GNA12: variants seen among roughly 807,000 people sequenced by gnomAD.
The protein encoded by GNA12 is guanine nucleotide-binding protein subunit alpha-12.
In GNA12, 9 loss-of-function variants were observed where a neutral mutation model predicts 26.0. The observed-to-expected ratio is 0.35, with a 90% CI of 0.21 to 0.60. The LOEUF (loss-of-function observed/expected upper bound fraction) is 0.60, where lower values mean the gene tolerates loss of function less well. GNA12 is among the 20% of genes least tolerant of loss of function. GNA12 has a pLI of 0.78. For missense variants in GNA12, 405 were observed against 525.8 expected (o/e 0.77, Z 2.25); for synonymous variants, 264 against 219.6 (o/e 1.20, Z -1.79).
intron 2 of GNA12, among the ~76,000 whole-genome samples, chr7:2,745,469 T>A (rs975708316): frequency 4.4e-4 from 67 of 152,304 alleles, no homozygotes; most frequent in African/African-American, 1.5e-3. Flanking sequence ...AAGCAAATGC[T>A]GAGAGATTTT....
At position 2,829,211 on chromosome 7, in the gene GNA12, C is replaced by T. The variant is rs551402593; in HGVS notation, c.309+14642G>A. Reference sequence around the variant, plus strand: ...TGCTCTTGGCCCTCACAAACAGGTCCCTGCCCCAGGCAGTTTAAAATCAGG... The same window carrying T: ...TGCTCTTGGCCCTCACAAACAGGTCTCTGCCCCAGGCAGTTTAAAATCAGG... On this transcript the variant is annotated intron_variant, in intron 1 of 3. Coordinates refer to ENST00000275364, the MANE Select transcript of GNA12 (RefSeq NM_007353.3). Among the ~76,000 whole-genome samples the T allele has an allele frequency of 9.2e-5, 14 of 152,306 alleles. No homozygotes were observed. The East Asian group carries it at 2.7e-3, about 29-fold the overall frequency.
rs190299870 is a variant in GNA12, at chr7:2,837,802, G to A, written c.309+6051C>T. ...AGAAAGGAAATGACAACAGAAGAAG[G>A]CTTAGAGCCTCAGAAAGAAGACCAT... On this transcript the variant is annotated intron_variant, in intron 1 of 3. Transcript: ENST00000275364. 2.6e-3 allele frequency among the ~76,000 whole-genome samples: 402 copies of A among 152,060 alleles called. 1 individual carries two copies. Among genetic ancestry groups the A allele is most frequent in the African/African-American group, 9.4e-3 (390 of 41,428 alleles).
At chr7:2,842,719 A>C (rs1201493597) in intron 1 of GNA12, among the ~76,000 whole-genome samples, 1 of 152,202 alleles carries the variant, frequency 6.6e-6, no homozygotes, top group African/African-American at 2.4e-5. Context: ...ACAATGGAGG[A>C]ATTCTGAACA....
Position 2,843,390 on chromosome 7 carries a change from T to C in GNA12, c.309+463A>G, listed in dbSNP as rs531947372. 2.0e-5 allele frequency among the ~76,000 whole-genome samples: 3 copies of C among 150,592 alleles called. No individual in the cohort carries two copies. In the South Asian group the frequency reaches 6.3e-4, roughly 32 times the overall value. On this transcript the variant is annotated intron_variant, in intron 1 of 3. Coordinates refer to ENST00000275364, the MANE Select transcript of GNA12 (RefSeq NM_007353.3). ...CGGGCGCCATGACTCATGCCTATAA[T>C]CCCAGCACTTGAGGGAGACCAAGGC... is the stretch of plus-strand genomic sequence containing the variant.
chr7:2,804,046 C>T (rs879753348), intron 1 of GNA12, among the ~76,000 whole-genome samples: 6 of 152,206 alleles, frequency 3.9e-5, no homozygotes, highest in Non-Finnish European at 8.8e-5. Context: ...CTAAAAATTT[C>T]ACTACATGAC....
At chr7:2,836,282 T>A (rs895385354) in intron 1 of GNA12, among the ~76,000 whole-genome samples, 3 of 152,200 alleles carry the variant, frequency 2.0e-5, no homozygotes, top group African/African-American at 4.8e-5. Flanking sequence ...ACCAGGATGA[T>A]GGAGACTTCC....
intron 2 of GNA12, among the ~76,000 whole-genome samples, chr7:2,791,410 C>G (rs1035790803): frequency 6.6e-6 from 1 of 152,246 alleles, no homozygotes; most frequent in East Asian, 1.9e-4. Context: ...TTTCCATCCC[C>G]CACCCCGGCC....
In GNA12 at chr7:2,730,686, G is replaced by A. The variant is rs1385289929; in HGVS notation, c.*495C>T. ...CCGGGCTCAGGCACTGAGTTTAGCA[G>A]CATCGGCGTGCACTGGATCTCTACA... On this transcript the variant is annotated 3_prime_UTR_variant, in exon 4 of 4. Transcript: ENST00000275364. The A allele has an allele frequency of 6.5e-6, 1 of 154,068 alleles. No individual in the cohort carries two copies. Among genetic ancestry groups the A allele is most frequent in the African/African-American group, 2.4e-5 (1 of 41,460 alleles). The allele number at this position is 154,068 out of a possible 1,614,324, so 9.5% of individuals were successfully genotyped here.
chr7:2,834,681 C>T (rs1471606764), intron 1 of GNA12, among the ~76,000 whole-genome samples: 4 of 152,188 alleles, frequency 2.6e-5, no homozygotes, highest in Admixed American at 1.3e-4. Context: ...ACCACATATA[C>T]GATGGTGGTC....
chr7:2,788,696 C>A (rs1792428465), intron 2 of GNA12, among the ~76,000 whole-genome samples: 1 of 152,180 alleles, frequency 6.6e-6, no homozygotes, highest in African/African-American at 2.4e-5. Flanking sequence ...AGGAAAGAAG[C>A]AGATGGGGTG....
intron 1 of GNA12, among the ~76,000 whole-genome samples, chr7:2,832,295 G>A (rs1360168601): frequency 2.0e-5 from 3 of 152,090 alleles, no homozygotes; most frequent in Admixed American, 6.5e-5. Context: ...TCAGCTCCAC[G>A]AGGCCAGGAC....
At chr7:2,841,809 G>A (rs1018290954) in intron 1 of GNA12, among the ~76,000 whole-genome samples, 2 of 152,124 alleles carry the variant, frequency 1.3e-5, no homozygotes, top group Non-Finnish European at 2.9e-5. Context: ...AAATGTACCC[G>A]ATAGGTTTCT....
chr7:2,763,087 G>C, intron 2 of GNA12: 3 of 1,250,140 alleles, frequency 2.4e-6, no homozygotes, highest in Non-Finnish European at 3.0e-6. Context: ...AGCCTTGAGT[G>C]AGAGACCACA....
At chr7:2,733,843 C>A (rs540922494) in intron 2 of GNA12, among the ~76,000 whole-genome samples, 1 of 152,206 alleles carries the variant, frequency 6.6e-6, no homozygotes, top group African/African-American at 2.4e-5. Context: ...ATGCGGCCAG[C>A]AAAGGACAGG....
At chr7:2,741,342 G>C (rs1161394905) in intron 2 of GNA12, among the ~76,000 whole-genome samples, 1 of 152,154 alleles carries the variant, frequency 6.6e-6, no homozygotes, top group African/African-American at 2.4e-5. Context: ...GCAACAGAGT[G>C]AGACACTGTC....
intron 1 of GNA12, among the ~76,000 whole-genome samples, chr7:2,811,962 A>G (rs1365532225): frequency 6.6e-6 from 1 of 152,218 alleles, no homozygotes; most frequent in African/African-American, 2.4e-5. Flanking sequence ...CGCACAGAGC[A>G]GCGCTTATTT....
intron 1 of GNA12, among the ~76,000 whole-genome samples, chr7:2,825,257 T>G (rs1793458024): frequency 6.6e-6 from 1 of 151,982 alleles, no homozygotes; most frequent in Non-Finnish European, 1.5e-5. Context: ...TGAACCTCAC[T>G]CTCTCCCCTC....
At chr7:2,804,165 A>G (rs1432374790) in intron 1 of GNA12, among the ~76,000 whole-genome samples, 1 of 152,270 alleles carries the variant, frequency 6.6e-6, no homozygotes, top group Non-Finnish European at 1.5e-5. Flanking sequence ...AAAAGCTTGC[A>G]CACACTATCA....
At chr7:2,816,333 C>G (rs574373836) in intron 1 of GNA12, among the ~76,000 whole-genome samples, 1 of 151,820 alleles carries the variant, frequency 6.6e-6, no homozygotes, top group Non-Finnish European at 1.5e-5. Flanking sequence ...CTAGTTCAAG[C>G]GATTCTTCTG....
Sources: gnomAD v4.1 joint callset for allele counts (sites outside exome capture counted in the v4.1 genomes callset) on GRCh38, gnomAD v4.1.1 for gene constraint, MANE v1.5 for transcripts, NCBI Gene and HGNC (gene_info 2026-07-23, HGNC 2026-07-21) for gene names.